ADAMTSL1: variants seen among roughly 807,000 people sequenced by gnomAD.
ADAMTSL1 encodes the protein ADAMTS like 1, also known as ADAMTS-like protein 1.
A neutral mutation model predicts 201.8 loss-of-function variants in ADAMTSL1; 126 were observed. The ratio of observed to expected loss-of-function variants is 0.62; its 90% confidence interval spans 0.54 to 0.72. ADAMTSL1 has a LOEUF of 0.72. Ranked by LOEUF, ADAMTSL1 falls within the 30% of genes least tolerant of loss-of-function variation. The pLI is 0.00. For synonymous variants in ADAMTSL1, 1,121 were observed against 903.4 expected (o/e 1.24, Z -4.32); for missense variants, 2,679 against 2,277.8 (o/e 1.18, Z -3.59).
chr9:18,771,104 A>C (rs983852099), intron 17 of ADAMTSL1, among the ~76,000 whole-genome samples: 2 of 151,650 alleles, frequency 1.3e-5, no homozygotes, highest in African/African-American at 4.8e-5. Context: ...TTCTATCTCC[A>C]CACCACCCCC....
intron 23 of ADAMTSL1, among the ~76,000 whole-genome samples, chr9:18,831,895 G>C (rs1433812): frequency 0.77 from 116,412 of 152,046 alleles, 44,687 homozygotes; most frequent in African/African-American, 0.8. Flanking sequence ...GTTGAGACAG[G>C]CAGAGCCTCA....
chr9:18,529,985 T>G (rs1819337999), intron 2 of ADAMTSL1, among the ~76,000 whole-genome samples: 1 of 152,190 alleles, frequency 6.6e-6, no homozygotes, highest in Non-Finnish European at 1.5e-5. Flanking sequence ...TGTGCAGATA[T>G]CTCCTATTAT....
At chr9:18,419,587 T>C (rs77174587) in intron 2 of ADAMTSL1, among the ~76,000 whole-genome samples, 11,761 of 152,246 alleles carry the variant, frequency 0.077, 487 homozygotes, top group Middle Eastern at 0.13. Flanking sequence ...CTGGTACCTT[T>C]GTACTGTGGA....
intron 20 of ADAMTSL1, among the ~76,000 whole-genome samples, chr9:18,795,826 G>A (rs1269611809): frequency 1.3e-5 from 2 of 152,232 alleles, no homozygotes; most frequent in African/African-American, 4.8e-5. Context: ...CAAAGGTGAT[G>A]TGTGCAAATC....
intron 2 of ADAMTSL1, among the ~76,000 whole-genome samples, chr9:18,254,822 G>C (rs1271414464): frequency 6.6e-6 from 1 of 151,940 alleles, no homozygotes; most frequent in Non-Finnish European, 1.5e-5. Context: ...AAATTTTGTC[G>C]GCTTTGCTAA....
chr9:18,039,618 A>C lies in ADAMTSL1; in HGVS notation c.88-124244A>C, dbSNP rs544209870. Among the ~76,000 whole-genome samples, 4 of 152,280 alleles carry C rather than the reference A, an allele frequency of 2.6e-5. No individual in the cohort carries two copies. In the East Asian group the frequency reaches 7.7e-4, roughly 29 times the overall value. The stretch of plus-strand genomic sequence containing the variant: ...AGCAAATTAACTGAGTTAGTTTCCA[A>C]GCCTATTACTGGTGGAAATTTAGAA... On this transcript the variant is annotated intron_variant, in intron 1 of 29. Transcript: ENST00000680146.
At chr9:18,173,496 G>GA (rs1169955789) in intron 2 of ADAMTSL1, among the ~76,000 whole-genome samples, 1 of 152,000 alleles carries the variant, frequency 6.6e-6, no homozygotes, top group Admixed American at 6.6e-5. Context: ...TCCTTTAAGG[G>GA]AAAAATAATT....
At chr9:18,278,922 T>G (rs948223590) in intron 2 of ADAMTSL1, among the ~76,000 whole-genome samples, 2 of 152,168 alleles carry the variant, frequency 1.3e-5, no homozygotes, top group Non-Finnish European at 2.9e-5. Context: ...CACTGGTTTT[T>G]TTTTCTTCTG....
chr9:18,797,505 C>T (rs949392761), intron 20 of ADAMTSL1, among the ~76,000 whole-genome samples: 2 of 152,058 alleles, frequency 1.3e-5, no homozygotes, highest in Non-Finnish European at 2.9e-5. Flanking sequence ...GATGGATACC[C>T]GGCTACCTAG....
At chr9:17,976,423 G>C (rs1003388640) in intron 1 of ADAMTSL1, among the ~76,000 whole-genome samples, 5 of 151,312 alleles carry the variant, frequency 3.3e-5, no homozygotes, top group African/African-American at 1.2e-4. Flanking sequence ...TATAGTTTTT[G>C]GTGTACAGCT....
At chr9:18,061,834 G>A (rs752986167) in intron 1 of ADAMTSL1, among the ~76,000 whole-genome samples, 6 of 152,260 alleles carry the variant, frequency 3.9e-5, no homozygotes, top group African/African-American at 9.6e-5. Context: ...GTGCATTGGC[G>A]GTTTCAAAAT....
At chr9:18,209,842 C>G (rs1397005942) in intron 2 of ADAMTSL1, among the ~76,000 whole-genome samples, 2 of 152,060 alleles carry the variant, frequency 1.3e-5, no homozygotes, top group Non-Finnish European at 2.9e-5. Flanking sequence ...AGTACCTATA[C>G]CAGCTTGCCT....
In ADAMTSL1 at chr9:18,214,370, A is replaced by T. The variant is rs148825440; in HGVS notation, c.207+50389A>T. The stretch of plus-strand genomic sequence containing the variant: ...TTGTTATTAGGATGTATAGCCTCCA[A>T]TTCACCCAAAGCAATGATATTCTTT... On this transcript the variant is annotated intron_variant, in intron 2 of 29. Coordinates refer to the ADAMTSL1 transcript ENST00000680146. Among the ~76,000 whole-genome samples the T allele has an allele frequency of 1.3e-3, 204 of 152,322 alleles. 1 individual carries two copies. Among genetic ancestry groups the T allele is most frequent in the African/African-American group, 4.7e-3 (195 of 41,578 alleles).
intron 1 of ADAMTSL1, among the ~76,000 whole-genome samples, chr9:18,082,958 A>T (rs115412655): frequency 0.014 from 2,120 of 152,338 alleles, 48 homozygotes; most frequent in African/African-American, 0.048. Context: ...GTAATATGTC[A>T]CAACCAGTAC....
At chr9:18,622,102 A>G (rs1335200385) in intron 4 of ADAMTSL1, 141 bp from the exon 5 acceptor site, 3 of 1,044,266 alleles carry the variant, frequency 2.9e-6, no homozygotes, top group South Asian at 1.7e-5. Context: ...TTTAAATTCC[A>G]GTTGAATTCA....
intron 23 of ADAMTSL1, among the ~76,000 whole-genome samples, chr9:18,837,384 C>A (rs771207579): frequency 1.3e-5 from 2 of 152,202 alleles, no homozygotes; most frequent in South Asian, 2.1e-4. Context: ...GCCTTTGCAT[C>A]TTTCTGGAAA....
intron 23 of ADAMTSL1, 43 bp downstream of exon 23, chr9:18,830,020 G>A: frequency 6.4e-7 from 1 of 1,567,100 alleles, no homozygotes; most frequent in African/African-American, 1.4e-5. Context: ...AGCCAGGACT[G>A]GACAGGATTT....
chr9:18,240,345 T>C (rs1831015629), intron 2 of ADAMTSL1, among the ~76,000 whole-genome samples: 1 of 151,886 alleles, frequency 6.6e-6, no homozygotes, highest in Non-Finnish European at 1.5e-5. Flanking sequence ...ATGAATCTTT[T>C]TTTTTTTTTC....
chr9:18,264,513 G>A (rs1389678879), intron 2 of ADAMTSL1, among the ~76,000 whole-genome samples: 1 of 152,136 alleles, frequency 6.6e-6, no homozygotes, highest in Non-Finnish European at 1.5e-5. Context: ...GATGGGATAT[G>A]GAAGAAGTCA....
Sources: gnomAD v4.1 joint callset for allele counts (sites outside exome capture counted in the v4.1 genomes callset) on GRCh38, gnomAD v4.1.1 for gene constraint, MANE v1.5 for transcripts, NCBI Gene and HGNC (gene_info 2026-07-23, HGNC 2026-07-21) for gene names.